The following RELL1 variants were observed in gnomAD, a reference collection of about 807,000 sequenced individuals.
RELL1 encodes the protein RELT-like protein 1.
In RELL1, 10 loss-of-function variants were observed where a neutral mutation model predicts 23.0. The observed-to-expected ratio is 0.43, with a 90% CI of 0.27 to 0.74. The LOEUF is 0.74. Among genes scored for constraint, RELL1 ranks in the 30% least tolerant of loss-of-function variants. The pLI is 0.19. For synonymous variants in RELL1, 146 were observed against 146.8 expected, an observed-to-expected ratio of 0.99 and a Z score of 0.04; for missense variants, 315 against 364.4, an observed-to-expected ratio of 0.86 and a Z score of 1.10.
At chr4:37,598,336 A>C (rs1289584374) in intron 6 of RELL1, among the ~76,000 whole-genome samples, 1 of 150,420 alleles carries the variant, frequency 6.6e-6, no homozygotes, top group Non-Finnish European at 1.5e-5. Context: ...CATTACTTCA[A>C]AATAATTTGC....
At chr4:37,634,850 G>A in intron 5 of RELL1, 37 bp downstream of exon 5, 1 of 1,564,646 alleles carries the variant, frequency 6.4e-7, no homozygotes, top group Non-Finnish European at 8.8e-7. Context: ...GAGCACCCAT[G>A]TCACACACAA....
intron 6 of RELL1, among the ~76,000 whole-genome samples, chr4:37,630,389 G>A (rs1389420975): frequency 1.9e-5 from 2 of 104,460 alleles, no homozygotes; most frequent in Admixed American, 1.4e-4. Context: ...TTTTGAGACC[G>A]AGTCTCGCTC....
chr4:37,604,932 CAG>C (rs1342240784), intron 6 of RELL1, among the ~76,000 whole-genome samples: 781 of 29,470 alleles, frequency 0.027, 55 homozygotes, highest in African/African-American at 0.059. Flanking sequence ...CACACACACA[CAG>C]ACACACACAT....
At chr4:37,606,694 A>G (rs1472451395), downstream of RELL1, among the ~76,000 whole-genome samples, 1 of 152,214 alleles carries the variant, frequency 6.6e-6, no homozygotes, top group Non-Finnish European at 1.5e-5. This position sits in a 1 kb window ranked among gnomAD's most constrained non-coding sequence, Gnocchi z 4.1. Context: ...CCTTGACTTC[A>G]GGGTCTGGCT....
chr4:37,604,904 C>CACACACAG (rs1560323981), intron 6 of RELL1, among the ~76,000 whole-genome samples: 15 of 51,178 alleles, frequency 2.9e-4, no homozygotes, highest in Non-Finnish European at 5.2e-4. Context: ...CACACAGACA[C>CACACACAG]ACACACACAC....
At chr4:37,673,419 T>C (rs571398833) in intron 1 of RELL1, among the ~76,000 whole-genome samples, 34 of 152,152 alleles carry the variant, frequency 2.2e-4, no homozygotes, top group African/African-American at 8.2e-4. Context: ...CCTGAACTCC[T>C]GGCCTCAAGC....
At chr4:37,675,580 T>C (rs898108217) in intron 1 of RELL1, among the ~76,000 whole-genome samples, 13 of 152,200 alleles carry the variant, frequency 8.5e-5, no homozygotes, top group African/African-American at 2.4e-4. Flanking sequence ...GTGGAAACAA[T>C]TGCATGTAAC....
At chr4:37,596,818 G>A (rs1196015375) in intron 6 of RELL1, among the ~76,000 whole-genome samples, 1 of 132,152 alleles carries the variant, frequency 7.6e-6, no homozygotes, top group East Asian at 2.4e-4. Flanking sequence ...GCACGATCTT[G>A]GCTCACTGCA....
intron 6 of RELL1, among the ~76,000 whole-genome samples, chr4:37,616,697 G>A (rs1278793911): frequency 6.6e-6 from 1 of 152,206 alleles, no homozygotes; most frequent in African/African-American, 2.4e-5. Context: ...AGAGAACGTT[G>A]TTTATAGAGC....
At chr4:37,607,990 C>G (rs1719274856), downstream of RELL1, among the ~76,000 whole-genome samples, 1 of 152,098 alleles carries the variant, frequency 6.6e-6, no homozygotes, top group Admixed American at 6.5e-5. Context: ...ATTATTATAT[C>G]TATTATAGTG....
intron 6 of RELL1, among the ~76,000 whole-genome samples, chr4:37,629,126 A>C (rs183276138): frequency 1.3e-5 from 2 of 152,336 alleles, no homozygotes; most frequent in East Asian, 3.9e-4. Context: ...AGGGCAAGCC[A>C]GGTCTTCTGG....
At chr4:37,665,190 C>G (rs1312501166) in intron 1 of RELL1, 1 of 454,570 alleles carries the variant, frequency 2.2e-6, no homozygotes, top group African/African-American at 2.0e-5. Flanking sequence ...AACAGAATAT[C>G]CAGTGTACTT....
intron 1 of RELL1, among the ~76,000 whole-genome samples, chr4:37,663,304 G>A (rs1721418677): frequency 6.6e-6 from 1 of 152,164 alleles, no homozygotes; most frequent in African/African-American, 2.4e-5. Context: ...GGGCTGGGTG[G>A]CTGCACAACA....
rs191537560 is a variant in RELL1, at chr4:37,654,365, G to A, written c.89-4865C>T. ...TTCCACCATCCCAGAAAGTTTTTTT[G>A]GACAGCCCTGTTGTGCATTATAAAG... On this transcript the variant is annotated intron_variant, in intron 1 of 6. Transcript: ENST00000454158. 9.3e-4 allele frequency among the ~76,000 whole-genome samples: 141 copies of A among 152,284 alleles called. 1 individual carries two copies. Among genetic ancestry groups the A allele is most frequent in the Non-Finnish European group, 1.4e-3 (93 of 68,018 alleles).
chr4:37,628,246 C>A (rs567836599), intron 6 of RELL1, among the ~76,000 whole-genome samples: 1 of 152,106 alleles, frequency 6.6e-6, no homozygotes, highest in African/African-American at 2.4e-5. Context: ...TCTGTGACAC[C>A]TGAAGCAAGG....
downstream of RELL1, chr4:37,590,754 C>T (rs773651878): frequency 5.0e-6 from 8 of 1,614,022 alleles, no homozygotes; most frequent in South Asian, 8.8e-5. Flanking sequence ...ATACGCCCTT[C>T]TCTGTGAGGA....
chr4:37,615,875 A>G (rs1372843138), intron 6 of RELL1, among the ~76,000 whole-genome samples: 1 of 152,228 alleles, frequency 6.6e-6, no homozygotes, highest in Admixed American at 6.5e-5. Flanking sequence ...ATAAAGATAA[A>G]GCCATAATCC....
chr4:37,661,555 C>T (rs1296083096), intron 1 of RELL1, among the ~76,000 whole-genome samples: 1 of 152,234 alleles, frequency 6.6e-6, no homozygotes, highest in Non-Finnish European at 1.5e-5. Flanking sequence ...GCTAGGATTA[C>T]AGGCGTGAGC....
chr4:37,644,881 G>A (rs548172139), intron 3 of RELL1, among the ~76,000 whole-genome samples: 4 of 152,298 alleles, frequency 2.6e-5, no homozygotes, highest in Non-Finnish European at 5.9e-5. Context: ...CTGGACAGAG[G>A]TACTACAGTA....
Sources: allele counts gnomAD v4.1 joint callset (sites outside exome capture counted in the v4.1 genomes callset), GRCh38; gene constraint gnomAD v4.1.1; non-coding constraint Gnocchi (gnomAD v3.1); transcripts MANE v1.5; gene names NCBI Gene and HGNC (gene_info 2026-07-23, HGNC 2026-07-21).